PI4KA: variants seen among roughly 807,000 people sequenced by gnomAD.
The protein encoded by PI4KA is PI4-kinase alpha.
Under a neutral mutation model 271.4 loss-of-function variants are expected in PI4KA, and 122 were observed. That is an observed-to-expected ratio of 0.45 (90% confidence interval 0.39 to 0.52). PI4KA has a LOEUF of 0.52. Ranked by LOEUF, PI4KA falls within the 20% of genes least tolerant of loss-of-function variation. The pLI is 0.00. For synonymous variants in PI4KA, 1,041 were observed against 1,078.8 expected (o/e 0.96, Z 0.69); for missense variants, 1,969 against 2,769.1 (o/e 0.71, Z 6.48).
At chr22:20,760,717 A>G (rs1253641036) in intron 23 of PI4KA, among the ~76,000 whole-genome samples, 1 of 152,018 alleles carries the variant, frequency 6.6e-6, no homozygotes, top group Admixed American at 6.6e-5. Context: ...GGTTTTGATC[A>G]TTGTAACATT....
intron 6 of PI4KA, among the ~76,000 whole-genome samples, chr22:20,818,866 A>C (rs1922194981): frequency 6.6e-6 from 1 of 152,210 alleles, no homozygotes; most frequent in Admixed American, 6.5e-5. Context: ...GCAAAATAGC[A>C]TTTGGCACCC....
Position 20,742,279 on chromosome 22 carries a change from G to T in PI4KA, c.3690C>A (p.Ala1230=). ...RMFNEHGMET[A]LACWEWLLAG... is the part of the protein sequence containing the mutation. Reference sequence around the variant, plus strand: ...CCAGCAGCCACTCCCAGCAGGCCAGGGCCGTCTCCATGCCATGCTCATTGA... The same window carrying T: ...CCAGCAGCCACTCCCAGCAGGCCAGTGCCGTCTCCATGCCATGCTCATTGA... Residue 1230 remains alanine, a synonymous_variant, in exon 32 of 55, where the codon GCC becomes GCA. Coordinates refer to ENST00000255882, the MANE Select transcript of PI4KA (RefSeq NM_058004.4). 1 of 1,614,162 alleles carries T rather than the reference G, an allele frequency of 6.2e-7. No individual in the cohort carries two copies. Among genetic ancestry groups the T allele is most frequent in the South Asian group, 1.1e-5 (1 of 91,084 alleles).
intron 3 of PI4KA, among the ~76,000 whole-genome samples, chr22:20,831,669 T>A (rs999197100): frequency 6.6e-6 from 1 of 152,100 alleles, no homozygotes; most frequent in Non-Finnish European, 1.5e-5. Context: ...GCTTGTAGAG[T>A]TTCTGCTAAA....
At chr22:20,747,416 T>C (rs1930234248) in intron 29 of PI4KA, 167 bp downstream of exon 29, 2 of 563,394 alleles carry the variant, frequency 3.5e-6, no homozygotes, top group Admixed American at 3.5e-5. Flanking sequence ...CACCTCTTCT[T>C]TGGGCCAAGG....
chr22:20,832,799 G>A (rs558590218), intron 3 of PI4KA, among the ~76,000 whole-genome samples: 1 of 152,138 alleles, frequency 6.6e-6, no homozygotes, highest in South Asian at 2.1e-4. Context: ...CTCCTATATC[G>A]TTTTATTGTA....
In PI4KA at chr22:20,721,298, G is replaced by T; in HGVS notation, c.5116C>A (p.Pro1706Thr). The T allele has an allele frequency of 1.2e-6, 2 of 1,613,872 alleles. No homozygotes were observed. The highest frequency in any genetic ancestry group is 1.7e-6 in the Non-Finnish European group (2 of 1,179,902). Residue 1706 changes from proline (P) to threonine (T), a missense_variant and splice_region_variant, in exon 43 of 55, where the codon CCT (proline) becomes ACT (threonine). Around this residue, in one of 13 missense-constraint regions of PI4KA, gnomAD observed 388 missense variants for 521.5 expected, o/e 0.74. Coordinates refer to ENST00000255882, the MANE Select transcript of PI4KA (RefSeq NM_058004.4). The part of the protein sequence containing the change: ...YLDEEGHQKD[P>T]DIGDLLDQLV... ...GCCTGTGGGAGGACAAAATACTCAC[G>T]GTCTTTCTGGTGGCCCTCTTCATCT...
chr22:20,784,790 T>C (rs1016413457), intron 19 of PI4KA, among the ~76,000 whole-genome samples: 2 of 152,194 alleles, frequency 1.3e-5, no homozygotes, highest in Non-Finnish European at 2.9e-5. Context: ...TTGAGATTAT[T>C]ATTGGGTCAT....
intron 5 of PI4KA, 86 bp from the exon 6 acceptor site, chr22:20,819,986 G>C: frequency 8.4e-7 from 1 of 1,185,762 alleles, no homozygotes; most frequent in Non-Finnish European, 1.2e-6. Flanking sequence ...CATTGACTAA[G>C]ATTTCACAAC....
intron 7 of PI4KA, among the ~76,000 whole-genome samples, chr22:20,816,611 G>A (rs1490547236): frequency 6.6e-6 from 1 of 152,114 alleles, no homozygotes; most frequent in Non-Finnish European, 1.5e-5. Flanking sequence ...CAGCCTGGGT[G>A]ACAGAGCAGG....
At chr22:20,847,868 T>C (rs1211165986) in intron 1 of PI4KA, among the ~76,000 whole-genome samples, 3 of 151,708 alleles carry the variant, frequency 2.0e-5, no homozygotes, top group Non-Finnish European at 4.4e-5. Flanking sequence ...CATTACAACA[T>C]TGCTAAAAGT....
intron 42 of PI4KA, among the ~76,000 whole-genome samples, chr22:20,725,928 A>G (rs555324097): frequency 1.6e-3 from 249 of 151,268 alleles, no homozygotes; most frequent in Middle Eastern, 6.8e-3. Context: ...AAAAAAAAAA[A>G]GCCAGGGAGA....
intron 45 of PI4KA, among the ~76,000 whole-genome samples, chr22:20,715,988 T>C (rs1218225708): frequency 1.3e-5 from 2 of 152,096 alleles, no homozygotes; most frequent in African/African-American, 4.8e-5. Flanking sequence ...CCTCCTGGGT[T>C]CAAGTGATTC....
intron 32 of PI4KA, chr22:20,734,762 G>A (rs1928507921): frequency 1.2e-6 from 1 of 805,894 alleles, no homozygotes; most frequent in Non-Finnish European, 1.9e-6. Flanking sequence ...AGCCTCTCGA[G>A]GCTGCCTTCT....
At chr22:20,754,975 G>C (rs998956904) in intron 23 of PI4KA, among the ~76,000 whole-genome samples, 1 of 152,060 alleles carries the variant, frequency 6.6e-6, no homozygotes. Context: ...ATTTTTTAGG[G>C]ACAGGGTATC....
chr22:20,806,360 G>A (rs1028501632), intron 10 of PI4KA, among the ~76,000 whole-genome samples: 3 of 151,920 alleles, frequency 2.0e-5, no homozygotes, highest in Middle Eastern at 3.4e-3. Flanking sequence ...TGTTGTGTGT[G>A]CATGTTAACT....
rs1029117680 is a variant in PI4KA at position 20,751,734 on chromosome 22, G to A, written c.3009C>T (p.Ser1003=). ...CCAGCATGGTCTTCAGCACAGTCCC[G>A]CTCCAGAGCAAGTGGGGAAACCTGC... ...LVDKFPHLLW[S]GTVLKTMLDI... is the part of the protein sequence containing the mutation. The change falls in exon 26 of 55, where the codon AGC becomes AGT. Residue 1003 remains serine (S), a synonymous_variant. Transcript: ENST00000255882. The A allele has an allele frequency of 3.1e-6, 5 of 1,613,988 alleles. No homozygotes were observed. The South Asian group carries it at 3.3e-5, about 11-fold the overall frequency.
At chr22:20,726,685 G>A (rs1362019318) in intron 41 of PI4KA, 144 bp from the exon 42 acceptor site, 6 of 697,450 alleles carry the variant, frequency 8.6e-6, no homozygotes, top group Admixed American at 3.5e-5. Context: ...CAAAATGACC[G>A]ATGGCTCAGA....
intron 19 of PI4KA, among the ~76,000 whole-genome samples, chr22:20,769,647 C>G (rs577927791): frequency 4.2e-5 from 6 of 141,334 alleles, no homozygotes; most frequent in Non-Finnish European, 7.5e-5. Context: ...GCAGCCTGGG[C>G]GACAGAGCGA....
chr22:20,824,063 T>C (rs919067790), intron 4 of PI4KA, among the ~76,000 whole-genome samples: 43 of 150,548 alleles, frequency 2.9e-4, no homozygotes, highest in South Asian at 2.1e-4. Context: ...CTGAAAGGGA[T>C]AGTGCTGCTC....
Sources: gnomAD v4.1 joint callset for allele counts (sites outside exome capture counted in the v4.1 genomes callset) on GRCh38, gnomAD v4.1.1 for gene constraint, gnomAD v4.1.1 regional missense constraint, MANE v1.5 for transcripts, NCBI Gene and HGNC (gene_info 2026-07-23, HGNC 2026-07-21) for gene names.